PCDHGA10: variants seen among roughly 807,000 people sequenced by gnomAD.
The protein encoded by PCDHGA10 is protocadherin gamma subfamily A, 10, also known as protocadherin gamma-A10.
A neutral mutation model predicts 59.5 loss-of-function variants in PCDHGA10; 42 were observed. The observed-to-expected ratio is 0.71, with a 90% CI of 0.55 to 0.91. The LOEUF (loss-of-function observed/expected upper bound fraction) is 0.91, where lower values mean the gene tolerates loss of function less well. Among genes scored for constraint, PCDHGA10 ranks in the 40% least tolerant of loss-of-function variants. The probability of loss-of-function intolerance (pLI) is 0.00; values close to 1 mark genes in which losing one functional copy is unlikely to be tolerated. For missense variants in PCDHGA10, 1,111 were observed against 1,198.2 expected (o/e 0.93, Z 1.07); for synonymous variants, 511 against 517.2 (o/e 0.99, Z 0.16).
At chr5:141,497,553 T>C (rs2099777684) in intron 2 of PCDHGA10, among the ~76,000 whole-genome samples, 1 of 151,326 alleles carries the variant, frequency 6.6e-6, no homozygotes, top group South Asian at 2.1e-4. Context: ...TTTTTTTTTT[T>C]TTTTTAGACA....
At position 141,511,112 on chromosome 5, in the gene PCDHGA10, G is replaced by A. The variant is rs767257788; in HGVS notation, c.2750G>A (p.Gly917Asp). The change falls in exon 4 of 4, where the codon GGC (glycine) becomes GAC (aspartate). Residue 917 changes from glycine (G) to aspartate (D), a missense_variant. Transcript: ENST00000398610. ...ACCAACGCAGCTGGCAAGCGGGATGGCAAGGCCCCAGCAGGTGGCAATGGC... is the reference window on the plus strand; with the variant it reads ...ACCAACGCAGCTGGCAAGCGGGATGACAAGGCCCCAGCAGGTGGCAATGGC... The part of the protein sequence containing the change: ...TLTNAAGKRD[G>D]KAPAGGNGNK... 1 of 1,614,232 alleles carries A rather than the reference G, an allele frequency of 6.2e-7. No individual in the cohort carries two copies.
chr5:141,506,180 G>T (rs548366782), intron 3 of PCDHGA10, among the ~76,000 whole-genome samples: 44 of 152,294 alleles, frequency 2.9e-4, no homozygotes, highest in Non-Finnish European at 5.7e-4. Context: ...GCTGGGCGTG[G>T]TGGCTCACGC....
chr5:141,463,176 C>CA (rs2099054640), intron 1 of PCDHGA10, among the ~76,000 whole-genome samples: 1 of 152,100 alleles, frequency 6.6e-6, no homozygotes, highest in African/African-American at 2.4e-5. Flanking sequence ...TATGTATGCT[C>CA]AGATTATTAT....
chr5:141,464,394 G>A (rs1277856342), intron 1 of PCDHGA10, among the ~76,000 whole-genome samples: 1 of 150,654 alleles, frequency 6.6e-6, no homozygotes. Context: ...TGCTAATGAA[G>A]AACCTGAGAT....
intron 1 of PCDHGA10, chr5:141,421,287 C>T: frequency 1.2e-6 from 2 of 1,613,240 alleles, no homozygotes; most frequent in Non-Finnish European, 1.7e-6. Flanking sequence ...TGTGCATTTT[C>T]CTGGGGACGC....
chr5:141,475,731 C>T (rs991175739), intron 1 of PCDHGA10, among the ~76,000 whole-genome samples: 1 of 152,248 alleles, frequency 6.6e-6, no homozygotes, highest in African/African-American at 2.4e-5. Context: ...GGCTGGCTTT[C>T]CCTAAGGTAG....
chr5:141,421,476 C>A, intron 1 of PCDHGA10: 2 of 1,614,158 alleles, frequency 1.2e-6, no homozygotes, highest in Non-Finnish European at 1.7e-6. Context: ...CGCGAAGCGG[C>A]AGCTTGATCA....
intron 1 of PCDHGA10, chr5:141,418,595 G>T (rs1331897624): frequency 5.6e-6 from 9 of 1,613,928 alleles, no homozygotes; most frequent in Non-Finnish European, 7.6e-6. Flanking sequence ...CAGCCAGGAC[G>T]TGTACAGGGT....
chr5:141,418,045 G>C (rs754041387), intron 1 of PCDHGA10: 2 of 1,614,002 alleles, frequency 1.2e-6, no homozygotes, highest in Admixed American at 1.7e-5. Context: ...TGGATGTGTC[G>C]GCTCGCGAGC....
At chr5:141,435,875 T>C (rs1324511823) in intron 1 of PCDHGA10, among the ~76,000 whole-genome samples, 1 of 152,100 alleles carries the variant, frequency 6.6e-6, no homozygotes, top group African/African-American at 2.4e-5. Flanking sequence ...AGAAAAGAGA[T>C]TGGAAACCCC....
At chr5:141,456,788 C>A (rs2098888156) in intron 1 of PCDHGA10, among the ~76,000 whole-genome samples, 1 of 152,088 alleles carries the variant, frequency 6.6e-6, no homozygotes, top group Admixed American at 6.5e-5. Flanking sequence ...CATGGCAAAA[C>A]CCCATCTCTA....
chr5:141,432,659 G>A lies in PCDHGA10; in HGVS notation c.2436+17048G>A. On this transcript the variant is annotated intron_variant, in intron 1 of 3. Coordinates refer to ENST00000398610, the MANE Select transcript of PCDHGA10 (RefSeq NM_018913.3). This position sits in a 1 kb window ranked among gnomAD's most constrained non-coding sequence, Gnocchi z 6.0. ...GGTGCGCACGGCGCGAGCCCTGCTG[G>A]ACAGAGACGCGCTCAAGCAGAGCCT... 1 of 1,613,884 alleles carries A rather than the reference G, an allele frequency of 6.2e-7. No homozygotes were observed. The highest frequency in any genetic ancestry group is 8.5e-7 in the Non-Finnish European group (1 of 1,179,956).
At chr5:141,421,159 C>G (rs2096549842) in intron 1 of PCDHGA10, 3 of 1,236,898 alleles carry the variant, frequency 2.4e-6, no homozygotes. Flanking sequence ...CCTAGGACTT[C>G]ATAGATACAT....
intron 2 of PCDHGA10, among the ~76,000 whole-genome samples, chr5:141,501,258 T>G (rs2099806611): frequency 1.3e-5 from 2 of 150,950 alleles, no homozygotes; most frequent in South Asian, 4.2e-4. Flanking sequence ...GGGAGTATTT[T>G]ATTATAGTCC....
intron 1 of PCDHGA10, chr5:141,416,276 A>G (rs553989511): frequency 6.6e-6 from 1 of 152,388 alleles, no homozygotes; most frequent in East Asian, 1.9e-4. Context: ...TTTTGCATAC[A>G]ATTCTCTAAT....
intron 1 of PCDHGA10, chr5:141,428,181 AG>A (rs776102500): frequency 6.7e-7 from 1 of 1,486,230 alleles, no homozygotes; most frequent in Admixed American, 1.8e-5. Context: ...GACGGAGGAC[AG>A]CCGCCGCTCT....
intron 2 of PCDHGA10, among the ~76,000 whole-genome samples, chr5:141,504,579 G>T (rs994771989): frequency 2.0e-5 from 3 of 149,174 alleles, no homozygotes; most frequent in Non-Finnish European, 4.4e-5. Context: ...AACACCATCT[G>T]CCCAGGATTC....
intron 1 of PCDHGA10, chr5:141,419,816 C>A (rs910172118): frequency 7.4e-6 from 12 of 1,613,940 alleles, no homozygotes; most frequent in Non-Finnish European, 1.0e-5. Context: ...AGGACAGCCA[C>A]CCCTTTCAGC....
chr5:141,504,763 C>G (rs1057360921), intron 2 of PCDHGA10, among the ~76,000 whole-genome samples: 5 of 152,018 alleles, frequency 3.3e-5, no homozygotes, highest in African/African-American at 1.2e-4. Context: ...AATTTCTTCT[C>G]CCTGCTCCAG....
Sources: allele counts gnomAD v4.1 joint callset (sites outside exome capture counted in the v4.1 genomes callset), GRCh38; gene constraint gnomAD v4.1.1; non-coding constraint Gnocchi (gnomAD v3.1); transcripts MANE v1.5; gene names NCBI Gene and HGNC (gene_info 2026-07-23, HGNC 2026-07-21).